Variants in DOCK4 observed in about 807,000 individuals in gnomAD.
The protein encoded by DOCK4 is dedicator of cytokinesis protein 4.
A neutral mutation model predicts 268.1 loss-of-function variants in DOCK4; 97 were observed. The observed-to-expected ratio is 0.36, with a 90% CI of 0.31 to 0.43. The LOEUF (loss-of-function observed/expected upper bound fraction) is 0.43. DOCK4 is among the 20% of genes least tolerant of loss of function. The probability of loss-of-function intolerance (pLI) is 1.00; values close to 1 mark genes in which losing one functional copy is unlikely to be tolerated. For missense variants in DOCK4, 2,145 were observed against 2,455.7 expected, an observed-to-expected ratio of 0.87 and a Z score of 2.67; for synonymous variants, 954 against 887.2, an observed-to-expected ratio of 1.08 and a Z score of -1.34.
intron 12 of DOCK4, among the ~76,000 whole-genome samples, chr7:111,918,817 T>C (rs1792848108): frequency 6.6e-6 from 1 of 152,228 alleles, no homozygotes; most frequent in Non-Finnish European, 1.5e-5. Context: ...TGACGTACTA[T>C]ATGAGCAATG....
chr7:112,111,775 T>C (rs1234593974), intron 1 of DOCK4, among the ~76,000 whole-genome samples: 1 of 152,202 alleles, frequency 6.6e-6, no homozygotes, highest in Non-Finnish European at 1.5e-5. Flanking sequence ...AACCTGGAAT[T>C]GTCAGATACT....
chr7:111,851,908 A>T (rs1804595743), intron 23 of DOCK4, among the ~76,000 whole-genome samples: 1 of 151,566 alleles, frequency 6.6e-6, no homozygotes, highest in South Asian at 2.1e-4. Context: ...AGGAGTGCAA[A>T]TAAAGCATCC....
intron 36 of DOCK4, among the ~76,000 whole-genome samples, chr7:111,771,397 C>A (rs1272695217): frequency 6.6e-6 from 1 of 152,200 alleles, no homozygotes. Flanking sequence ...AGCTGCCCGA[C>A]GGGGACAGTG....
chr7:111,762,757 G>GTTTTTTTTTTTTTTTTTTTTTTTTTT (rs1797499588), intron 39 of DOCK4, among the ~76,000 whole-genome samples: 2 of 55,012 alleles, frequency 3.6e-5, no homozygotes, highest in Admixed American at 2.3e-4. Flanking sequence ...ATTTTGTTTT[G>GTTTTTTTTTTTTTTTTTTTTTTTTTT]TTTTCTTTTT....
At chr7:112,194,417 C>G (rs1030964559) in intron 1 of DOCK4, among the ~76,000 whole-genome samples, 1 of 152,162 alleles carries the variant, frequency 6.6e-6, no homozygotes, top group African/African-American at 2.4e-5. Context: ...GCTTAGACCC[C>G]ACAGCTATAT....
chr7:111,943,114 G>C (rs1795337159), intron 10 of DOCK4, among the ~76,000 whole-genome samples: 1 of 152,138 alleles, frequency 6.6e-6, no homozygotes, highest in Non-Finnish European at 1.5e-5. Flanking sequence ...ATGTTGAACT[G>C]GTAAATGTTT....
At chr7:112,200,735 A>AAAAAT (rs1382670853) in intron 1 of DOCK4, among the ~76,000 whole-genome samples, 8 of 118,396 alleles carry the variant, frequency 6.8e-5, no homozygotes, top group African/African-American at 3.1e-4. Flanking sequence ...TAAAAAAAAA[A>AAAAAT]AAACAAAAAA....
chr7:112,017,960 G>A (rs1444307075), intron 1 of DOCK4, among the ~76,000 whole-genome samples: 1 of 151,742 alleles, frequency 6.6e-6, no homozygotes, highest in Non-Finnish European at 1.5e-5. Context: ...AAAGAGGCAG[G>A]TGGATCACGA....
intron 1 of DOCK4, among the ~76,000 whole-genome samples, chr7:112,173,643 G>A (rs968748016): frequency 2.6e-5 from 4 of 152,022 alleles, no homozygotes; most frequent in African/African-American, 4.8e-5. Context: ...TCCCAAAGAC[G>A]AGTACACACA....
At chr7:111,950,486 A>G (rs951920086) in intron 8 of DOCK4, among the ~76,000 whole-genome samples, 2 of 152,182 alleles carry the variant, frequency 1.3e-5, no homozygotes, top group African/African-American at 4.8e-5. Flanking sequence ...TTCCTATTAC[A>G]TGGTGAGCAA....
intron 22 of DOCK4, among the ~76,000 whole-genome samples, chr7:111,867,478 G>T (rs1025057665): frequency 6.6e-6 from 1 of 152,142 alleles, no homozygotes; most frequent in Non-Finnish European, 1.5e-5. Context: ...GGCTACTTCC[G>T]GTAATGGAGT....
intron 1 of DOCK4, among the ~76,000 whole-genome samples, chr7:112,081,520 G>A (rs1808583120): frequency 6.6e-6 from 1 of 152,154 alleles, no homozygotes; most frequent in Admixed American, 6.6e-5. Flanking sequence ...ACAAGAACAT[G>A]AAGAACCACT....
chr7:111,770,939 C>T (rs1301930282), intron 36 of DOCK4, among the ~76,000 whole-genome samples: 1 of 152,228 alleles, frequency 6.6e-6, no homozygotes, highest in African/African-American at 2.4e-5. Flanking sequence ...ATCACAGGCA[C>T]TGGTCTTTTT....
At chr7:111,866,041 C>T (rs1048777547) in intron 22 of DOCK4, among the ~76,000 whole-genome samples, 2 of 152,338 alleles carry the variant, frequency 1.3e-5, no homozygotes, top group East Asian at 1.9e-4. Context: ...AAGGAAAGGA[C>T]CCAACCAAGC....
chr7:111,730,074 A>G (rs931041285), intron 52 of DOCK4, among the ~76,000 whole-genome samples: 1 of 152,130 alleles, frequency 6.6e-6, no homozygotes, highest in Non-Finnish European at 1.5e-5. Flanking sequence ...AGTCCCCACT[A>G]TGCCACGTGG....
chr7:111,918,844 A>G (rs1792850332), intron 12 of DOCK4, among the ~76,000 whole-genome samples: 1 of 152,226 alleles, frequency 6.6e-6, no homozygotes, highest in Admixed American at 6.5e-5. Context: ...AGTACAGAAT[A>G]AGACGAATTT....
At chr7:112,001,313 C>G (rs1033084598) in intron 2 of DOCK4, among the ~76,000 whole-genome samples, 1 of 152,170 alleles carries the variant, frequency 6.6e-6, no homozygotes, top group African/African-American at 2.4e-5. Context: ...AAACTGCATG[C>G]CATTCTAAGT....
In DOCK4 at chr7:111,834,686, CCT is replaced by C; in HGVS notation, c.2737-2_2737-1del. On this transcript the variant is annotated splice_acceptor_variant, in intron 25 of 52. Coordinates refer to ENST00000428084, the MANE Select transcript of DOCK4 (RefSeq NM_001363540.2). LOFTEE classifies it high-confidence loss of function. ...GACAGGAGACAAGCAACAAACTCCCCCTAAGTTAAAAAAAAAAAAAGCATACA... is the reference window on the plus strand; with the variant it reads ...GACAGGAGACAAGCAACAAACTCCCCAAGTTAAAAAAAAAAAAAGCATACA... 6.6e-7 allele frequency: 1 copy of C among 1,514,830 alleles called. No homozygotes were observed. Among genetic ancestry groups the C allele is most frequent in the Non-Finnish European group, 8.8e-7 (1 of 1,135,776 alleles). 93.8% of individuals were successfully genotyped at this position (1,514,830 alleles called of 1,614,324 possible).
At chr7:111,926,714 G>C (rs12154442) in intron 12 of DOCK4, among the ~76,000 whole-genome samples, 26,888 of 151,226 alleles carry the variant, frequency 0.18, 2,445 homozygotes, top group Middle Eastern at 0.24. Context: ...GCCACCTGTA[G>C]TTCCAGCTAT....
Sources: allele counts gnomAD v4.1 joint callset (sites outside exome capture counted in the v4.1 genomes callset), GRCh38; gene constraint gnomAD v4.1.1; transcripts MANE v1.5; gene names NCBI Gene and HGNC (gene_info 2026-07-23, HGNC 2026-07-21).